Variants in AIFM3 observed in about 807,000 individuals in gnomAD.
AIFM3 encodes the protein AIF family member 3.
AIFM3 carries 71 observed loss-of-function variants against 82.7 expected under a neutral mutation model. That is an observed-to-expected ratio of 0.86 (90% CI 0.71 to 1.05). AIFM3 has a LOEUF of 1.05. Among genes scored for constraint, AIFM3 ranks in the 50% least tolerant of loss-of-function variants. The pLI, the probability that AIFM3 is intolerant of heterozygous loss-of-function variation, is 0.00. For synonymous variants in AIFM3, 337 were observed against 329.1 expected, an observed-to-expected ratio of 1.02 and a Z score of -0.26; for missense variants, 748 against 816.7, an observed-to-expected ratio of 0.92 and a Z score of 1.03.
Position 20,980,974 on chromosome 22 carries a change from C to T in AIFM3, c.1779-18C>T, listed in dbSNP as rs1442985312. On this transcript the variant is annotated intron_variant, in intron 20 of 20. Transcript: ENST00000440238. ...CTGTTTTCTTCTGTCTTGACCCCTC[C>T]TCCCCTCACTCCTGCAGGACTGGCG... 1 of 1,614,192 alleles carries T rather than the reference C, an allele frequency of 6.2e-7. No individual in the cohort carries two copies. Among genetic ancestry groups the T allele is most frequent in the Non-Finnish European group, 8.5e-7 (1 of 1,180,014 alleles).
intron 16 of AIFM3, among the ~76,000 whole-genome samples, chr22:20,978,706 C>T (rs1308661727): frequency 2.0e-5 from 3 of 152,000 alleles, no homozygotes; most frequent in Admixed American, 1.3e-4. Flanking sequence ...AATTTCTATT[C>T]AAGTCCAAAG....
rs367600638 is a variant in AIFM3, at chr22:20,973,822, G to A, written c.310G>A (p.Ala104Thr). ...LLVKDNGEFH[A>T]LGHKCPHYGA... ...GGTGAAGGACAATGGGGAGTTCCAC[G>A]CCCTGGGCCATAAGTGTCCGCACTA... Residue 104 changes from alanine (A) to threonine (T), a missense_variant, in exon 4 of 21, where the codon GCC (alanine) becomes ACC (threonine). Physicochemically the swap from Ala to Thr is moderately conservative, Grantham distance 58 (BLOSUM62 0). This residue lies in a region of AIFM3 where 148 missense variants were observed against 134.1 expected (regional missense o/e 1.10). Transcript: ENST00000440238. 12 of 1,580,824 alleles carry A rather than the reference G, an allele frequency of 7.6e-6. No individual in the cohort carries two copies. The highest frequency in any genetic ancestry group is 6.9e-5 in the East Asian group (3 of 43,534).
At chr22:20,973,576 A>C in intron 3 of AIFM3, 56 bp downstream of exon 3, 3 of 1,477,802 alleles carry the variant, frequency 2.0e-6, no homozygotes, top group Non-Finnish European at 2.8e-6. Flanking sequence ...TGGGAGGGTG[A>C]GGGGGCCATA....
At chr22:20,973,924 C>T in intron 4 of AIFM3, 57 bp downstream of exon 4, 1 of 1,478,932 alleles carries the variant, frequency 6.8e-7, no homozygotes, top group Non-Finnish European at 9.0e-7. Flanking sequence ...GCCAGCTTGG[C>T]TCCTCCCCAG....
chr22:20,973,401 C>T lies in AIFM3; in HGVS notation c.126C>T (p.Gly42=), dbSNP rs1361719844. ...AGGGCAGCCCCCGGGCCTACCAGGG[C>T]AATGGCACGGCCCGCCACTTCCACA... The part of the protein sequence containing the change: ...SGKGSPRAYQ[G]NGTARHFHTE... Residue 42 remains glycine (G), a synonymous_variant, in exon 3 of 21, where the codon GGC becomes GGT. Transcript: ENST00000440238. 6.8e-6 allele frequency: 11 copies of T among 1,611,406 alleles called. No homozygotes were observed. Among genetic ancestry groups the T allele is most frequent in the Non-Finnish European group, 8.5e-6 (10 of 1,179,640 alleles).
Position 20,967,835 on chromosome 22 carries a change from T to A in AIFM3, c.-110T>A. ...AGAGCAGCTCCAGCAGGATGGCGGC[T>A]CCAGCGTCTCTAAGGCCTGCAGGGG... On this transcript the variant is annotated 5_prime_UTR_variant, in exon 2 of 21. Transcript: ENST00000440238. The A allele has an allele frequency of 8.1e-7, 1 of 1,227,952 alleles. No homozygotes were observed. The highest frequency in any genetic ancestry group is 1.2e-6 in the Non-Finnish European group (1 of 836,588). The allele number at this position is 1,227,952 out of a possible 1,614,324, so 76.1% of individuals were successfully genotyped here.
At chr22:20,973,548 G>C (rs1331554031) in intron 3 of AIFM3, 28 bp downstream of exon 3, 2 of 1,593,322 alleles carry the variant, frequency 1.3e-6, no homozygotes, top group Admixed American at 3.4e-5. Context: ...CTGGGAGCGG[G>C]GATCAGGGGT....
At chr22:20,970,039 C>A (rs541162292) in intron 2 of AIFM3, among the ~76,000 whole-genome samples, 26 of 152,296 alleles carry the variant, frequency 1.7e-4, no homozygotes, top group Admixed American at 5.9e-4. Flanking sequence ...AGGTATCAGA[C>A]CAGTCCCTCA....
intron 2 of AIFM3, among the ~76,000 whole-genome samples, chr22:20,971,306 C>A (rs1420539889): frequency 6.6e-6 from 1 of 152,226 alleles, no homozygotes; most frequent in Non-Finnish European, 1.5e-5. Flanking sequence ...CCACCTGATA[C>A]GATGGCCTCA....
At position 20,977,062 on chromosome 22, in the gene AIFM3, G is replaced by T; in HGVS notation, c.1249G>T (p.Val417Phe). The change falls in exon 14 of 21, where the codon GTC becomes TTC. Residue 417 changes from valine to phenylalanine, a missense_variant. Val to Phe is a conservative substitution (Grantham distance 50). Coordinates refer to ENST00000440238, the MANE Select transcript of AIFM3 (RefSeq NM_001386814.1). ...GGAGGTTGTGCTGAAGAGCAGCAAG[G>T]TCGTGCGGGCTGACGTCTGCGTGGT... ...LKEVVLKSSK[V>F]VRADVCVVGI... The T allele has an allele frequency of 6.2e-7, 1 of 1,614,198 alleles. No individual in the cohort carries two copies. Among genetic ancestry groups the T allele is most frequent in the East Asian group, 2.2e-5 (1 of 44,886 alleles).
intron 2 of AIFM3, among the ~76,000 whole-genome samples, chr22:20,971,981 G>T (rs1353255390): frequency 6.7e-6 from 1 of 149,982 alleles, no homozygotes; most frequent in Non-Finnish European, 1.5e-5. Context: ...GGGGGGGGCT[G>T]TGCCCCCTCT....
intron 2 of AIFM3, among the ~76,000 whole-genome samples, chr22:20,972,415 AAAAG>A (rs1266587807): frequency 1.1e-4 from 16 of 152,232 alleles, no homozygotes; most frequent in Non-Finnish European, 1.6e-4. Flanking sequence ...AAAAAAAAAA[AAAAG>A]AAGAAGTTGA....
intron 2 of AIFM3, among the ~76,000 whole-genome samples, chr22:20,968,281 A>G (rs899732385): frequency 1.5e-4 from 23 of 152,114 alleles, no homozygotes; most frequent in Non-Finnish European, 3.1e-4. Flanking sequence ...AGGGTTGGGG[A>G]AGGGGCTATG....
chr22:20,976,392 C>T lies in AIFM3; in HGVS notation c.900-16C>T, dbSNP rs1296863836. The stretch of plus-strand genomic sequence containing the variant: ...GGGGCTGCCAGGAGGCCCTCACTGA[C>T]ACGGCCATGTCTCAGCCCCAAGACT... On this transcript the variant is annotated splice_polypyrimidine_tract_variant and intron_variant, in intron 10 of 20. Coordinates refer to ENST00000440238, the MANE Select transcript of AIFM3 (RefSeq NM_001386814.1). The T allele has an allele frequency of 2.5e-6, 4 of 1,613,724 alleles. No homozygotes were observed. In the African/African-American group the frequency reaches 4.0e-5, roughly 16 times the overall value.
At chr22:20,968,110 T>G (rs1226245930) in intron 2 of AIFM3, 135 bp downstream of exon 2, 3 of 915,116 alleles carry the variant, frequency 3.3e-6, no homozygotes, top group Admixed American at 2.5e-5. Context: ...CTCGGAATGT[T>G]AATACGCTGC....
intron 2 of AIFM3, among the ~76,000 whole-genome samples, chr22:20,972,948 G>A (rs1482182779): frequency 6.6e-6 from 1 of 152,016 alleles, no homozygotes; most frequent in African/African-American, 2.4e-5. Context: ...TGGGGAGGCT[G>A]AGATGGGAGA....
In AIFM3 at chr22:20,976,297, C is replaced by T. The variant is rs1325133844; in HGVS notation, c.890C>T (p.Pro297Leu). The T allele has an allele frequency of 6.2e-7, 1 of 1,613,998 alleles. No individual in the cohort carries two copies. The highest frequency in any genetic ancestry group is 1.1e-5 in the South Asian group (1 of 91,078). Residue 297 changes from proline to leucine, a missense_variant, in exon 10 of 21, where the codon CCA becomes CTA. Coordinates refer to ENST00000440238, the MANE Select transcript of AIFM3 (RefSeq NM_001386814.1). The part of the protein sequence containing the change: ...KLEYSKLLLA[P>L]GSSPKTLSCK... ...GAGTACAGCAAGCTGCTGCTGGCAC[C>T]AGGGAGCAGGTGGGAGGGTCTCCTT...
chr22:20,968,708 G>A (rs1006883068), intron 2 of AIFM3, among the ~76,000 whole-genome samples: 3 of 152,084 alleles, frequency 2.0e-5, no homozygotes, highest in African/African-American at 7.2e-5. Flanking sequence ...AGGCAGGAGT[G>A]TGCAGCTTTG....
chr22:20,972,261 G>A (rs957973655), intron 2 of AIFM3, among the ~76,000 whole-genome samples: 3 of 152,208 alleles, frequency 2.0e-5, no homozygotes, highest in South Asian at 2.1e-4. Context: ...AATTAGTCAG[G>A]TGTGGTGGCA....
Sources: allele counts gnomAD v4.1 joint callset (sites outside exome capture counted in the v4.1 genomes callset), GRCh38; gene constraint gnomAD v4.1.1; regional missense constraint gnomAD v4.1.1; transcripts MANE v1.5; gene names NCBI Gene and HGNC (gene_info 2026-07-23, HGNC 2026-07-21).